The following WDR45B variants were observed in gnomAD, a reference collection of about 807,000 sequenced individuals.
WDR45B encodes WD repeat domain 45B.
In WDR45B, 20 loss-of-function variants were observed where a neutral mutation model predicts 44.6. The ratio of observed to expected loss-of-function variants is 0.45; its 90% CI spans 0.32 to 0.65. The LOEUF (loss-of-function observed/expected upper bound fraction) is 0.65. Among genes scored for constraint, WDR45B ranks in the 30% least tolerant of loss-of-function variants. WDR45B has a pLI of 0.05. For missense variants in WDR45B, 323 were observed against 430.2 expected, an observed-to-expected ratio of 0.75 and a Z score of 2.20; for synonymous variants, 169 against 164.9, an observed-to-expected ratio of 1.02 and a Z score of -0.19.
chr17:82,623,046 T>C (rs1242601051), intron 5 of WDR45B, among the ~76,000 whole-genome samples: 2 of 152,204 alleles, frequency 1.3e-5, no homozygotes, highest in Non-Finnish European at 2.9e-5. Context: ...AGAAATCTTT[T>C]AGCAATACTT....
chr17:82,648,405 G>A lies in WDR45B; in HGVS notation c.-65C>T. The A allele has an allele frequency of 1.9e-6, 3 of 1,568,738 alleles. No homozygotes were observed. Among genetic ancestry groups the A allele is most frequent in the South Asian group, 1.1e-5 (1 of 86,962 alleles). ...GCCTCTCGCTGGGGACGGCGGCCTG[G>A]TCCCTTCGGGCCGGCGCTGAGGCCG... is the stretch of plus-strand genomic sequence containing the variant. On this transcript the variant is annotated 5_prime_UTR_variant, in exon 1 of 10. Coordinates refer to ENST00000392325, the MANE Select transcript of WDR45B (RefSeq NM_019613.4).
At chr17:82,647,818 A>C (rs937186546) in intron 1 of WDR45B, among the ~76,000 whole-genome samples, 4 of 151,896 alleles carry the variant, frequency 2.6e-5, no homozygotes, top group African/African-American at 9.7e-5. Flanking sequence ...AAGACCCTGA[A>C]AGGAACAGGG....
At chr17:82,627,376 T>C in intron 3 of WDR45B, 85 bp from the exon 4 acceptor site, 2 of 1,152,810 alleles carry the variant, frequency 1.7e-6, no homozygotes, top group South Asian at 2.4e-5. Context: ...GCGCCTAAGG[T>C]GTTTTCTCTT....
chr17:82,625,383 T>G lies in WDR45B; in HGVS notation c.427+6A>C. On this transcript the variant is annotated splice_donor_region_variant and intron_variant, in intron 5 of 9. Transcript: ENST00000392325. Reference sequence around the variant, plus strand: ...CCCATCGCCACCCGTCTGCTCAATCTCTCACCTTTGGGGTTATAGCAGGTT... The same window carrying G: ...CCCATCGCCACCCGTCTGCTCAATCGCTCACCTTTGGGGTTATAGCAGGTT... 6.2e-7 allele frequency: 1 copy of G among 1,613,956 alleles called. No individual in the cohort carries two copies. Among genetic ancestry groups the G allele is most frequent in the Non-Finnish European group, 8.5e-7 (1 of 1,179,866 alleles).
rs192786746 is a variant in WDR45B at position 82,617,981 on chromosome 17, C to T, written c.705-584G>A. ...TCTCGCTCTCTTGCCCAGGATAGAGCGCAGTAGCACGACCTTGGCTCACTG... is the reference window on the plus strand; with the variant it reads ...TCTCGCTCTCTTGCCCAGGATAGAGTGCAGTAGCACGACCTTGGCTCACTG... On this transcript the variant is annotated intron_variant, in intron 7 of 9. Coordinates refer to ENST00000392325, the MANE Select transcript of WDR45B (RefSeq NM_019613.4). 1.9e-4 allele frequency among the ~76,000 whole-genome samples: 28 copies of T among 151,088 alleles called. 1 individual carries two copies. The highest frequency in any genetic ancestry group is 1.6e-3 in the Admixed American group (24 of 15,172).
At chr17:82,618,252 A>G (rs2045566085) in intron 7 of WDR45B, among the ~76,000 whole-genome samples, 1 of 152,152 alleles carries the variant, frequency 6.6e-6, no homozygotes, top group African/African-American at 2.4e-5. Context: ...TTTTCATCTC[A>G]AAGACCCAAA....
intron 5 of WDR45B, among the ~76,000 whole-genome samples, chr17:82,624,909 C>T (rs1031916718): frequency 2.6e-5 from 4 of 152,156 alleles, no homozygotes; most frequent in South Asian, 2.1e-4. Context: ...TGAGCCACCG[C>T]GCCCGGCCAC....
At chr17:82,642,922 C>A (rs1019136366) in intron 2 of WDR45B, among the ~76,000 whole-genome samples, 1 of 152,178 alleles carries the variant, frequency 6.6e-6, no homozygotes, top group African/African-American at 2.4e-5. Flanking sequence ...GCAAGTCAAG[C>A]TGTTTTAAAA....
chr17:82,615,608 A>T lies in WDR45B; in HGVS notation c.*311T>A. ...CAGCCCAGTCCCCAGGTCCGTATGG[A>T]GCCCCCGTCAGTGTGAGGATGCGGC... On this transcript the variant is annotated 3_prime_UTR_variant, in exon 10 of 10. Transcript: ENST00000392325. 2 of 437,180 alleles carry T rather than the reference A, an allele frequency of 4.6e-6. No individual in the cohort carries two copies. 27.1% of individuals were successfully genotyped at this position (437,180 alleles called of 1,614,324 possible).
chr17:82,619,655 A>G (rs769442894), intron 6 of WDR45B, among the ~76,000 whole-genome samples: 9 of 152,236 alleles, frequency 5.9e-5, no homozygotes, highest in Admixed American at 1.3e-4. Context: ...GAAGTTTTTA[A>G]CATCTCCTCC....
rs1243258019 is a variant in WDR45B, at chr17:82,617,314, T to C, written c.788A>G (p.Lys263Arg). ...TVHIFAAEDP[K>R]RNKQSSLASA... Reference sequence around the variant, plus strand: ...CACCTACCTGGACTGTTTATTCCTTTTTGGATCTTCAGCTGCAAAAATATG... The same window carrying C: ...CACCTACCTGGACTGTTTATTCCTTCTTGGATCTTCAGCTGCAAAAATATG... Residue 263 changes from lysine (K) to arginine (R), a missense_variant, in exon 8 of 10, where the codon AAA becomes AGA. Physicochemically the swap from Lys to Arg is conservative, Grantham distance 26. Transcript: ENST00000392325. 6.2e-7 allele frequency: 1 copy of C among 1,613,500 alleles called. No individual in the cohort carries two copies. The highest frequency in any genetic ancestry group is 1.7e-5 in the Admixed American group (1 of 60,022).
At chr17:82,640,362 T>C (rs2045898363) in intron 2 of WDR45B, among the ~76,000 whole-genome samples, 1 of 151,762 alleles carries the variant, frequency 6.6e-6, no homozygotes. Flanking sequence ...TCTTTTTTTT[T>C]TTTTTTTAAG....
intron 5 of WDR45B, among the ~76,000 whole-genome samples, chr17:82,624,559 C>CACAAATGGTATTCTTAAAACGA (rs1326190261): frequency 6.6e-6 from 1 of 151,236 alleles, no homozygotes; most frequent in African/African-American, 2.4e-5. Flanking sequence ...TGCGCCCGGC[C>CACAAATGGTATTCTTAAAACGA]GACTGTTCTG....
chr17:82,621,414 C>A (rs2045614731), intron 6 of WDR45B, among the ~76,000 whole-genome samples, 195 bp downstream of exon 6: 1 of 152,160 alleles, frequency 6.6e-6, no homozygotes, highest in South Asian at 2.1e-4. Context: ...GAAATAAAAC[C>A]AGTCCCTGGG....
chr17:82,636,638 A>T (rs1459851158), intron 2 of WDR45B: 2 of 152,110 alleles, frequency 1.3e-5, no homozygotes, highest in Non-Finnish European at 2.9e-5. Context: ...TTGTTACAGA[A>T]AAATGTAAGA....
At chr17:82,630,234 T>C (rs2045749731) in intron 3 of WDR45B, among the ~76,000 whole-genome samples, 1 of 151,444 alleles carries the variant, frequency 6.6e-6, no homozygotes, top group South Asian at 2.1e-4. Context: ...TCTGACGGCA[T>C]CTCCTTCCTG....
chr17:82,615,601 CG>C lies in WDR45B; in HGVS notation c.*317del, dbSNP rs1347115051. 2.3e-6 allele frequency: 1 copy of C among 427,002 alleles called. No homozygotes were observed. 26.5% of individuals were successfully genotyped at this position (427,002 alleles called of 1,614,324 possible). A position where few individuals can be genotyped will look rare whatever the true frequency, so the allele number is the denominator to read the frequency against. ...ACCCTCTCAGCCCAGTCCCCAGGTC[CG>C]TATGGAGCCCCCGTCAGTGTGAGGA... On this transcript the variant is annotated 3_prime_UTR_variant, in exon 10 of 10. Transcript: ENST00000392325.
intron 1 of WDR45B, among the ~76,000 whole-genome samples, chr17:82,646,488 C>CAAAAAA (rs779661551): frequency 0.011 from 225 of 19,924 alleles, 3 homozygotes; most frequent in East Asian, 0.059. Flanking sequence ...AACTCCGTCT[C>CAAAAAA]AAAAAAAAAA....
At chr17:82,628,126 G>A (rs1278586287) in intron 3 of WDR45B, among the ~76,000 whole-genome samples, 1 of 152,168 alleles carries the variant, frequency 6.6e-6, no homozygotes, top group East Asian at 1.9e-4. Flanking sequence ...CCAAATGGCT[G>A]GGACTACAGG....
Sources: gnomAD v4.1 joint callset for allele counts (sites outside exome capture counted in the v4.1 genomes callset) on GRCh38, gnomAD v4.1.1 for gene constraint, MANE v1.5 for transcripts, NCBI Gene and HGNC (gene_info 2026-07-23, HGNC 2026-07-21) for gene names.